ZBTB20: variants seen among roughly 807,000 people sequenced by gnomAD.
The protein encoded by ZBTB20 is zinc finger and BTB domain containing 20, also known as zinc finger and BTB domain-containing protein 20.
Under a neutral mutation model 56.9 loss-of-function variants are expected in ZBTB20, and 9 were observed. The ratio of observed to expected loss-of-function variants is 0.16; its 90% CI spans 0.10 to 0.28. The LOEUF (loss-of-function observed/expected upper bound fraction) is 0.28. Ranked by LOEUF, ZBTB20 falls within the 10% of genes least tolerant of loss-of-function variation. ZBTB20 has a pLI of 1.00. For synonymous variants in ZBTB20, 417 were observed against 420.7 expected, an observed-to-expected ratio of 0.99 and a Z score of 0.11; for missense variants, 655 against 1,003.0, an observed-to-expected ratio of 0.65 and a Z score of 4.69.
intron 3 of ZBTB20, among the ~76,000 whole-genome samples, chr3:114,962,684 GT>G (rs2077499485): frequency 6.6e-6 from 1 of 152,078 alleles, no homozygotes; most frequent in Non-Finnish European, 1.5e-5. Context: ...AGACCAGTTA[GT>G]GGACCATTTT....
intron 4 of ZBTB20, among the ~76,000 whole-genome samples, chr3:114,808,413 C>G (rs566675268): frequency 6.6e-6 from 1 of 151,898 alleles, no homozygotes; most frequent in Non-Finnish European, 1.5e-5. Flanking sequence ...CACCACCAAC[C>G]CCATAGAAAT....
intron 4 of ZBTB20, among the ~76,000 whole-genome samples, chr3:114,840,010 T>C (rs1387457204): frequency 6.6e-6 from 1 of 152,166 alleles, no homozygotes; most frequent in East Asian, 1.9e-4. Context: ...ATGGCAACCC[T>C]AGTAAATTAA....
chr3:114,640,332 G>A (rs1271322750), intron 6 of ZBTB20, among the ~76,000 whole-genome samples: 1 of 152,198 alleles, frequency 6.6e-6, no homozygotes, highest in African/African-American at 2.4e-5. Context: ...TTCTAATTAG[G>A]TCTTGAATGA....
chr3:114,849,047 G>C (rs2074863676), intron 4 of ZBTB20, among the ~76,000 whole-genome samples: 1 of 152,218 alleles, frequency 6.6e-6, no homozygotes, highest in Non-Finnish European at 1.5e-5. Context: ...AGACAGAGTA[G>C]TCATGTTGGG....
chr3:114,827,221 T>C (rs1184113273), intron 4 of ZBTB20, among the ~76,000 whole-genome samples: 3 of 151,730 alleles, frequency 2.0e-5, no homozygotes, highest in Admixed American at 1.3e-4. Flanking sequence ...AACTCAGAAG[T>C]CCATGAATAC....
At chr3:114,934,286 G>A (rs555379786) in intron 3 of ZBTB20, among the ~76,000 whole-genome samples, 10 of 152,162 alleles carry the variant, frequency 6.6e-5, no homozygotes, top group Middle Eastern at 3.4e-3. Flanking sequence ...CCACTTACCT[G>A]CGACCTCTTC....
chr3:114,593,743 G>A (rs2056038165), intron 6 of ZBTB20, among the ~76,000 whole-genome samples: 1 of 152,176 alleles, frequency 6.6e-6, no homozygotes, highest in Non-Finnish European at 1.5e-5. Flanking sequence ...GTCATAGATA[G>A]TCTGTTTACC....
intron 3 of ZBTB20, among the ~76,000 whole-genome samples, chr3:114,956,791 A>G (rs139728167): frequency 1.3e-5 from 2 of 152,328 alleles, no homozygotes; most frequent in African/African-American, 4.8e-5. Flanking sequence ...GGCCTAATAT[A>G]CCAAATCATT....
intron 6 of ZBTB20, among the ~76,000 whole-genome samples, chr3:114,540,850 C>T (rs2049029116): frequency 6.6e-6 from 1 of 152,006 alleles, no homozygotes; most frequent in Admixed American, 6.6e-5. Flanking sequence ...TAAGCAATTC[C>T]TTTAGTTTTT....
intron 6 of ZBTB20, among the ~76,000 whole-genome samples, chr3:114,677,247 T>C (rs899708008): frequency 6.6e-6 from 1 of 152,192 alleles, no homozygotes; most frequent in African/African-American, 2.4e-5. Flanking sequence ...GATGAATCAA[T>C]TGAATTCTTT....
At chr3:114,437,990 G>A (rs1697434374) in intron 7 of ZBTB20, among the ~76,000 whole-genome samples, 1 of 152,168 alleles carries the variant, frequency 6.6e-6, no homozygotes, top group Non-Finnish European at 1.5e-5. Flanking sequence ...GCAGGCATTA[G>A]TGTGTTTGTA....
At chr3:115,037,171 C>G in intron 2 of ZBTB20, among the ~76,000 whole-genome samples, 1 of 152,134 alleles carries the variant, frequency 6.6e-6, no homozygotes, top group East Asian at 1.9e-4. Flanking sequence ...CTGATAAGGT[C>G]CACCTATTTC....
At chr3:114,505,052 G>A (rs895872723) in intron 6 of ZBTB20, among the ~76,000 whole-genome samples, 5 of 152,092 alleles carry the variant, frequency 3.3e-5, no homozygotes, top group African/African-American at 9.7e-5. Context: ...GACAGGTTTG[G>A]CTTGATTTGC....
In ZBTB20 at chr3:115,063,684, A is replaced by C. The variant is rs202112682; in HGVS notation, c.-507+7535T>G. Among the ~76,000 whole-genome samples the C allele has an allele frequency of 2.8e-3, 351 of 126,542 alleles. 2 individuals carry two copies. Among genetic ancestry groups the C allele is most frequent in the African/African-American group, 9.8e-3 (344 of 35,140 alleles). 83.0% of individuals were successfully genotyped at this position (126,542 alleles called of 152,430 possible). A position where few individuals can be genotyped will look rare whatever the true frequency, so the allele number is the denominator to read the frequency against. On this transcript the variant is annotated intron_variant, in intron 2 of 11. Coordinates refer to ENST00000675478, the MANE Select transcript of ZBTB20 (RefSeq NM_001348800.3). ...ACACACACACACACACACACACACA[A>C]ACACACACACACAGTTTACCAGTTA...
chr3:114,898,309 T>C (rs2074969589), intron 4 of ZBTB20, among the ~76,000 whole-genome samples: 1 of 152,154 alleles, frequency 6.6e-6, no homozygotes, highest in South Asian at 2.1e-4. Flanking sequence ...GCCTCAGCCT[T>C]ATGTGTATAA....
intron 2 of ZBTB20, among the ~76,000 whole-genome samples, chr3:115,018,844 T>C (rs530568835): frequency 7.9e-5 from 12 of 151,500 alleles, no homozygotes; most frequent in East Asian, 3.9e-4. Flanking sequence ...ATAATGTTCT[T>C]GTAATAGTTT....
At chr3:114,394,746 T>C (rs1411302914) in intron 7 of ZBTB20, among the ~76,000 whole-genome samples, 1 of 152,140 alleles carries the variant, frequency 6.6e-6, no homozygotes. Context: ...GAAGGAGCAG[T>C]TCAAGCCAAA....
At chr3:114,571,543 T>C (rs545417111) in intron 6 of ZBTB20, among the ~76,000 whole-genome samples, 1 of 152,276 alleles carries the variant, frequency 6.6e-6, no homozygotes, top group Admixed American at 6.5e-5. Context: ...AAAGCTTCTG[T>C]TAACAAAGCC....
At chr3:114,693,695 T>C (rs2062829725) in intron 5 of ZBTB20, 120 bp from the exon 6 acceptor site, 1 of 152,084 alleles carries the variant, frequency 6.6e-6, no homozygotes. Context: ...TAAGTGGTAG[T>C]ATATAAAAAG....
Sources: allele counts gnomAD v4.1 joint callset (sites outside exome capture counted in the v4.1 genomes callset), GRCh38; gene constraint gnomAD v4.1.1; transcripts MANE v1.5; gene names NCBI Gene and HGNC (gene_info 2026-07-23, HGNC 2026-07-21).